Variants in LTBP1 observed in about 807,000 individuals in gnomAD.
LTBP1 encodes latent transforming growth factor beta binding protein 1.
In LTBP1, 129 loss-of-function variants were observed where a neutral mutation model predicts 207.6. That is an observed-to-expected ratio of 0.62 (90% confidence interval 0.54 to 0.72). LTBP1 has a LOEUF of 0.72. LTBP1 is among the 30% of genes least tolerant of loss of function. The pLI, the probability that LTBP1 is intolerant of heterozygous loss-of-function variation, is 0.00. For synonymous variants in LTBP1, 963 were observed against 833.7 expected (o/e 1.16, Z -2.67); for missense variants, 2,281 against 2,217.2 (o/e 1.03, Z -0.58).
chr2:33,364,272 G>C lies in LTBP1; in HGVS notation c.4456G>C (p.Glu1486Gln). The change falls in exon 30 of 34, where the codon GAG becomes CAG. Residue 1486 changes from glutamate to glutamine, a missense_variant. Around this residue, in one of 3 missense-constraint regions of LTBP1, gnomAD observed 1,671 missense variants for 1,634.8 expected, o/e 1.02. Transcript: ENST00000404816. ...TATTGATGGCCAGTGTGTTAATACAGAGGGCTCTTACAACTGCTTCTGTAC... is the reference window on the plus strand; with the variant it reads ...TATTGATGGCCAGTGTGTTAATACACAGGGCTCTTACAACTGCTTCTGTAC... ...SCIDGQCVNTEGSYNCFCTHP... is the reference protein window; with the variant it reads ...SCIDGQCVNTQGSYNCFCTHP... The C allele has an allele frequency of 1.2e-6, 2 of 1,614,032 alleles. No homozygotes were observed. Among genetic ancestry groups the C allele is most frequent in the African/African-American group, 1.3e-5 (1 of 75,018 alleles).
intron 5 of LTBP1, among the ~76,000 whole-genome samples, chr2:33,158,317 T>C (rs1053402249): frequency 1.3e-5 from 2 of 152,072 alleles, no homozygotes; most frequent in African/African-American, 2.4e-5. Flanking sequence ...GATTAAGTAG[T>C]TACATAGAAG....
chr2:33,339,675 C>T (rs896099929), intron 24 of LTBP1, among the ~76,000 whole-genome samples: 10 of 150,606 alleles, frequency 6.6e-5, no homozygotes, highest in Non-Finnish European at 7.4e-5. Context: ...GACGGAGTTT[C>T]GCTCTTGTTG....
intron 5 of LTBP1, among the ~76,000 whole-genome samples, chr2:33,163,250 A>C (rs1274121673): frequency 6.6e-6 from 1 of 152,222 alleles, no homozygotes; most frequent in Non-Finnish European, 1.5e-5. Context: ...AAGTGCTGGG[A>C]TTACAGGTGT....
In LTBP1 at chr2:33,283,385, GC is replaced by G. The variant is rs200917537; in HGVS notation, c.3112+3231del. On this transcript the variant is annotated intron_variant, in intron 19 of 33. Transcript: ENST00000404816. ...TATAGGATATATTGATGAATTTTTTGCCCCAATTGTTAATGAAAATTCTCCG... is the reference window on the plus strand; with the variant it reads ...TATAGGATATATTGATGAATTTTTTGCCCAATTGTTAATGAAAATTCTCCG... 6.1e-3 allele frequency among the ~76,000 whole-genome samples: 865 copies of G among 142,426 alleles called. 6 individuals are homozygous for G. The highest frequency in any genetic ancestry group is 0.022 in the African/African-American group (834 of 38,224). The allele number at this position is 142,426 out of a possible 152,430, so 93.4% of individuals were successfully genotyped here.
At chr2:33,337,016 G>C (rs556556007) in intron 24 of LTBP1, among the ~76,000 whole-genome samples, 4 of 152,188 alleles carry the variant, frequency 2.6e-5, no homozygotes, top group Admixed American at 6.5e-5. Flanking sequence ...AAATTAAAAC[G>C]ATTTTAATTT....
At chr2:32,984,354 C>G (rs1683216379) in intron 2 of LTBP1, among the ~76,000 whole-genome samples, 2 of 152,192 alleles carry the variant, frequency 1.3e-5, no homozygotes, top group African/African-American at 2.4e-5. Context: ...TTTCATCACC[C>G]AGCTTGCTAG....
chr2:33,005,302 T>G (rs1290666051), intron 2 of LTBP1, among the ~76,000 whole-genome samples: 1 of 152,194 alleles, frequency 6.6e-6, no homozygotes, highest in East Asian at 1.9e-4. Flanking sequence ...AGCAGAGGAT[T>G]TACCTCCAAG....
In LTBP1 at chr2:33,353,259, G is replaced by A. The variant is rs78590235; in HGVS notation, c.4000+5749G>A. ...CTTCCAAAGTTCTGGGATTACAGGC[G>A]TGAGCCACTGTGCCCGTCTTCTTGT... is the stretch of plus-strand genomic sequence containing the variant. On this transcript the variant is annotated intron_variant, in intron 26 of 33. Transcript: ENST00000404816. Among the ~76,000 whole-genome samples the A allele has an allele frequency of 7.4e-3, 1,128 of 152,200 alleles. 15 individuals carry two copies. The highest frequency in any genetic ancestry group is 0.025 in the African/African-American group (1,053 of 41,512).
At chr2:33,130,131 A>G (rs2081683068) in intron 4 of LTBP1, among the ~76,000 whole-genome samples, 1 of 152,162 alleles carries the variant, frequency 6.6e-6, no homozygotes, top group African/African-American at 2.4e-5. Flanking sequence ...TTGTCCTTCA[A>G]AGAATTCTTG....
chr2:33,186,673 AAG>A (rs1157566692), intron 5 of LTBP1, among the ~76,000 whole-genome samples, 181 bp from the exon 6 acceptor site: 1 of 152,202 alleles, frequency 6.6e-6, no homozygotes, highest in East Asian at 1.9e-4. Flanking sequence ...TGGAAAGAAA[AAG>A]GTAGTCAGTA....
At chr2:32,982,416 T>C (rs1346481707) in intron 2 of LTBP1, among the ~76,000 whole-genome samples, 1 of 152,142 alleles carries the variant, frequency 6.6e-6, no homozygotes, top group East Asian at 1.9e-4. Context: ...AAACCAATTT[T>C]CTGGGGAGAA....
chr2:33,275,164 C>G, intron 17 of LTBP1, 74 bp downstream of exon 17: 2 of 1,555,704 alleles, frequency 1.3e-6, no homozygotes, highest in Non-Finnish European at 1.8e-6. Context: ...ATCATCAGTT[C>G]AGTGCTTATC....
Position 33,275,050 on chromosome 2 carries a change from A to G in LTBP1, c.2829A>G (p.Pro943=), listed in dbSNP as rs941600177. 13 of 1,613,994 alleles carry G rather than the reference A, an allele frequency of 8.1e-6. No individual in the cohort carries two copies. Among genetic ancestry groups the G allele is most frequent in the South Asian group, 6.6e-5 (6 of 91,086 alleles). ...AGGGAAGTTTCTTGTGCATTTGCCC[A>G]GCAGGATTTATGGCCAGTGAGGAGG... is the stretch of plus-strand genomic sequence containing the variant. ...NTEGSFLCIC[P]AGFMASEEGT... Residue 943 remains proline (P), a synonymous_variant, in exon 17 of 34, where the codon CCA becomes CCG. Coordinates refer to ENST00000404816, the MANE Select transcript of LTBP1 (RefSeq NM_206943.4).
intron 5 of LTBP1, among the ~76,000 whole-genome samples, chr2:33,181,676 C>A (rs1158117121): frequency 6.6e-6 from 1 of 152,214 alleles, no homozygotes; most frequent in African/African-American, 2.4e-5. Context: ...TGGAATGTCT[C>A]AGCCAGCATT....
rs181832586 is a variant in LTBP1, at chr2:33,176,817, A to T, written c.1202-10039A>T. On this transcript the variant is annotated intron_variant, in intron 5 of 33. Transcript: ENST00000404816. ...AGTCATAGTGATTTCGACACCTTGCACATCCCTTTTGTTGCTGATATGCTG... is the reference window on the plus strand; with the variant it reads ...AGTCATAGTGATTTCGACACCTTGCTCATCCCTTTTGTTGCTGATATGCTG... 1.2e-4 allele frequency among the ~76,000 whole-genome samples: 18 copies of T among 152,270 alleles called. No individual in the cohort carries two copies. The East Asian group carries it at 3.3e-3, about 28-fold the overall frequency.
At position 32,967,577 on chromosome 2, in the gene LTBP1, T is replaced by TA. The variant is rs1438449267; in HGVS notation, c.565+18633dup. Reference sequence around the variant, plus strand: ...TTCTCTTGAGATTTCCTCTTTGACCTATGCTTTGTTTAGAATTATGTTGCT... The same window carrying TA: ...TTCTCTTGAGATTTCCTCTTTGACCTAATGCTTTGTTTAGAATTATGTTGCT... On this transcript the variant is annotated intron_variant, in intron 2 of 33. Transcript: ENST00000404816. Among the ~76,000 whole-genome samples, 7 of 152,364 alleles carry TA rather than the reference T, an allele frequency of 4.6e-5. No individual in the cohort carries two copies. In the South Asian group the frequency reaches 1.2e-3, roughly 27 times the overall value.
chr2:33,279,655 G>A (rs572663056), intron 18 of LTBP1, among the ~76,000 whole-genome samples: 28 of 152,284 alleles, frequency 1.8e-4, no homozygotes, highest in African/African-American at 6.5e-4. Context: ...CTCTAGCTGG[G>A]TGGATACATA....
chr2:33,050,159 T>C (rs1402428246), intron 3 of LTBP1, among the ~76,000 whole-genome samples: 3 of 151,258 alleles, frequency 2.0e-5, no homozygotes, highest in Admixed American at 6.6e-5. Context: ...CTTTTCTTTT[T>C]TTTTTTTTTC....
At chr2:33,267,609 TAAAAAG>T (rs1163122540) in intron 15 of LTBP1, among the ~76,000 whole-genome samples, 2 of 152,090 alleles carry the variant, frequency 1.3e-5, no homozygotes, top group African/African-American at 4.8e-5. Context: ...ATAGTAATGT[TAAAAAG>T]AAAAAAATGC....
Sources: allele counts gnomAD v4.1 joint callset (sites outside exome capture counted in the v4.1 genomes callset), GRCh38; gene constraint gnomAD v4.1.1; regional missense constraint gnomAD v4.1.1; transcripts MANE v1.5; gene names NCBI Gene and HGNC (gene_info 2026-07-23, HGNC 2026-07-21).